The following GLIS3 variants were observed in gnomAD, a reference collection of about 807,000 sequenced individuals.
GLIS3 encodes the protein GLIS family zinc finger 3, also known as zinc finger protein GLIS3.
A neutral mutation model predicts 78.6 loss-of-function variants in GLIS3; 53 were observed. The observed-to-expected ratio is 0.67, with a 90% CI of 0.54 to 0.85. GLIS3 has a LOEUF of 0.85. GLIS3 is among the 40% of genes least tolerant of loss of function. The pLI, the probability that GLIS3 is intolerant of heterozygous loss-of-function variation, is 0.00. For synonymous variants in GLIS3, 684 were observed against 509.9 expected, an observed-to-expected ratio of 1.34 and a Z score of -4.60; for missense variants, 1,703 against 1,231.1, an observed-to-expected ratio of 1.38 and a Z score of -5.74.
At chr9:4,119,483 A>G (rs573561975) in intron 3 of GLIS3, among the ~76,000 whole-genome samples, 5 of 152,236 alleles carry the variant, frequency 3.3e-5, no homozygotes, top group Admixed American at 2.6e-4. Flanking sequence ...AGTAATTCAC[A>G]TTGCCAGTAA....
chr9:4,264,694 C>T (rs764823161), intron 2 of GLIS3, among the ~76,000 whole-genome samples: 2 of 152,180 alleles, frequency 1.3e-5, no homozygotes, highest in Non-Finnish European at 2.9e-5. Context: ...ATATTCTCCT[C>T]ATCCCTCTGA....
At chr9:4,065,434 A>C (rs769936023) in intron 4 of GLIS3, among the ~76,000 whole-genome samples, 1 of 152,262 alleles carries the variant, frequency 6.6e-6, no homozygotes, top group Non-Finnish European at 1.5e-5. Context: ...TTTCATACTA[A>C]CGCTGTAAAA....
intron 4 of GLIS3, among the ~76,000 whole-genome samples, chr9:3,986,802 T>G (rs559524017): frequency 6.6e-6 from 1 of 152,362 alleles, no homozygotes; most frequent in South Asian, 2.1e-4. Flanking sequence ...CACAGCCCAC[T>G]AAAGTAGGCA....
chr9:4,476,055 T>C, the GLIS3 span, among the ~76,000 whole-genome samples: 1 of 152,182 alleles, frequency 6.6e-6, no homozygotes, highest in African/African-American at 2.4e-5. Context: ...GGCCTGATTA[T>C]ATTGTTTTAT....
chr9:4,156,087 C>A (rs558615887), intron 2 of GLIS3, among the ~76,000 whole-genome samples: 12 of 152,156 alleles, frequency 7.9e-5, no homozygotes, highest in Admixed American at 2.0e-4. Context: ...CCAAGTCCAG[C>A]AATGGATTAA....
chr9:4,454,437 A>G, the GLIS3 span, among the ~76,000 whole-genome samples: 2 of 152,224 alleles, frequency 1.3e-5, no homozygotes, highest in African/African-American at 4.8e-5. Context: ...GAGAAAAATA[A>G]AGCCTATAAA....
chr9:4,409,025 A>G, the GLIS3 span, among the ~76,000 whole-genome samples: 1 of 152,112 alleles, frequency 6.6e-6, no homozygotes, highest in Non-Finnish European at 1.5e-5. Flanking sequence ...GTATATATGT[A>G]TACACACACA....
intron 4 of GLIS3, among the ~76,000 whole-genome samples, chr9:3,965,188 CTTTTCTTTTT>C (rs1180802159): frequency 2.3e-3 from 224 of 99,030 alleles, no homozygotes; most frequent in Non-Finnish European, 3.5e-3. Flanking sequence ...TCTTTCTTTT[CTTTTCTTTTT>C]TTTTTTTTTT....
rs372340726 is a variant in GLIS3, at chr9:4,286,321, G to A, written c.105C>T (p.Ser35=). The A allele has an allele frequency of 1.4e-4, 224 of 1,613,256 alleles. No homozygotes were observed. Among genetic ancestry groups the A allele is most frequent in the Non-Finnish European group, 1.8e-4 (207 of 1,179,596 alleles). ...CACAGGGCGAGGGGCCAGGAGTCCC[G>A]GAGTGGGCTCGGATGGCAGGAATGT... ...GHHIPAIRAH[S]GTPGPSPCGS... Residue 35 remains serine, a synonymous_variant, in exon 2 of 11, where the codon TCC becomes TCT. Coordinates refer to ENST00000381971, the MANE Select transcript of GLIS3 (RefSeq NM_001042413.2).
chr9:4,415,156 AG>A, the GLIS3 span, among the ~76,000 whole-genome samples: 1 of 152,154 alleles, frequency 6.6e-6, no homozygotes, highest in East Asian at 1.9e-4. Context: ...CTATGATAGA[AG>A]GTGTAAATCC....
chr9:4,479,904 C>CTTTTTTTTTT, the GLIS3 span, among the ~76,000 whole-genome samples: 941 of 108,808 alleles, frequency 8.6e-3, no homozygotes, highest in Non-Finnish European at 0.012. Context: ...ATTTCTTCTT[C>CTTTTTTTTTT]TTTTTTTTTT....
At chr9:4,158,726 A>T (rs1309403774) in intron 2 of GLIS3, among the ~76,000 whole-genome samples, 1 of 152,196 alleles carries the variant, frequency 6.6e-6, no homozygotes, top group African/African-American at 2.4e-5. Context: ...ACATTCCCCC[A>T]TTTTCATAAA....
At chr9:4,437,817 T>C in the GLIS3 span, among the ~76,000 whole-genome samples, 2 of 152,238 alleles carry the variant, frequency 1.3e-5, no homozygotes, top group Non-Finnish European at 2.9e-5. Context: ...GATCCACTTC[T>C]TAATGAATAG....
intron 2 of GLIS3, among the ~76,000 whole-genome samples, chr9:4,135,518 A>G (rs1167672359): frequency 6.6e-6 from 1 of 152,144 alleles, no homozygotes; most frequent in Non-Finnish European, 1.5e-5. Context: ...AATGTCTCTA[A>G]GCATTATTAC....
At position 4,197,821 on chromosome 9, in the gene GLIS3, G is replaced by C. The variant is rs527797190; in HGVS notation, c.389-71880C>G. On this transcript the variant is annotated intron_variant, in intron 2 of 10. Coordinates refer to ENST00000381971, the MANE Select transcript of GLIS3 (RefSeq NM_001042413.2). Reference sequence around the variant, plus strand: ...ACTGGCTTGTAGGTCAAACTGCACAGCCCAATATAAAACCTGCCAACCAAA... The same window carrying C: ...ACTGGCTTGTAGGTCAAACTGCACACCCCAATATAAAACCTGCCAACCAAA... Among the ~76,000 whole-genome samples, 29 of 152,196 alleles carry C rather than the reference G, an allele frequency of 1.9e-4. 1 individual carries two copies. The South Asian group carries it at 5.6e-3, about 29-fold the overall frequency.
chr9:4,390,554 G>A, the GLIS3 span, among the ~76,000 whole-genome samples: 1 of 152,108 alleles, frequency 6.6e-6, no homozygotes, highest in Non-Finnish European at 1.5e-5. Flanking sequence ...TTCATAAACT[G>A]CAAGTAGGGT....
chr9:4,417,707 G>T, the GLIS3 span, among the ~76,000 whole-genome samples: 6 of 152,086 alleles, frequency 3.9e-5, no homozygotes, highest in Non-Finnish European at 7.4e-5. Flanking sequence ...CCTCAAAAAG[G>T]TCATCTAATG....
chr9:4,175,662 C>T (rs185007086), intron 2 of GLIS3, among the ~76,000 whole-genome samples: 1 of 152,146 alleles, frequency 6.6e-6, no homozygotes, highest in Non-Finnish European at 1.5e-5. Context: ...CCCCACTGTA[C>T]TGGATAAGAA....
the GLIS3 span, among the ~76,000 whole-genome samples, chr9:4,454,410 C>T: frequency 6.6e-6 from 1 of 152,154 alleles, no homozygotes; most frequent in African/African-American, 2.4e-5. Context: ...CCTGCACATA[C>T]CTCTAATTTT....
Sources: allele counts gnomAD v4.1 joint callset (sites outside exome capture counted in the v4.1 genomes callset), GRCh38; gene constraint gnomAD v4.1.1; transcripts MANE v1.5; gene names NCBI Gene and HGNC (gene_info 2026-07-23, HGNC 2026-07-21).